The following TBC1D32 variants were observed in gnomAD, a reference collection of about 807,000 sequenced individuals.
TBC1D32 encodes TBC1 domain family member 32.
TBC1D32 carries 151 observed loss-of-function variants against 170.3 expected under a neutral mutation model. The observed-to-expected ratio is 0.89, with a 90% CI of 0.78 to 1.01. The LOEUF is 1.01. Among genes scored for constraint, TBC1D32 ranks in the 50% least tolerant of loss-of-function variants. The pLI is 0.00. For missense variants in TBC1D32, 1,464 were observed against 1,457.1 expected, an observed-to-expected ratio of 1.00 and a Z score of -0.08; for synonymous variants, 498 against 488.0, an observed-to-expected ratio of 1.02 and a Z score of -0.27.
At chr6:121,177,833 A>G (rs964084352) in intron 22 of TBC1D32, among the ~76,000 whole-genome samples, 2 of 152,200 alleles carry the variant, frequency 1.3e-5, no homozygotes, top group African/African-American at 4.8e-5. Flanking sequence ...GCAATCTGAA[A>G]TACTTCTGAT....
chr6:121,241,092 C>T (rs933087032), intron 19 of TBC1D32, among the ~76,000 whole-genome samples: 1 of 152,024 alleles, frequency 6.6e-6, no homozygotes, highest in African/African-American at 2.4e-5. Flanking sequence ...ATGTAAGCCA[C>T]TGACAATAAG....
chr6:121,101,156 G>A (rs1168250543), intron 30 of TBC1D32, among the ~76,000 whole-genome samples: 3 of 152,034 alleles, frequency 2.0e-5, no homozygotes, highest in Non-Finnish European at 4.4e-5. Flanking sequence ...TCTACCAGAG[G>A]TACAAGGAGG....
chr6:121,130,616 A>T (rs1781340689), intron 25 of TBC1D32, among the ~76,000 whole-genome samples: 2 of 152,284 alleles, frequency 1.3e-5, no homozygotes, highest in South Asian at 4.1e-4. Context: ...AATGAGTAAG[A>T]GTTAAACAGC....
chr6:121,211,798 T>A (rs1282217283), intron 21 of TBC1D32, among the ~76,000 whole-genome samples: 1 of 152,080 alleles, frequency 6.6e-6, no homozygotes, highest in East Asian at 1.9e-4. Flanking sequence ...AACACCACTG[T>A]CCCAGTGGAA....
intron 22 of TBC1D32, among the ~76,000 whole-genome samples, chr6:121,183,650 T>G (rs1482480139): frequency 6.6e-6 from 1 of 152,122 alleles, no homozygotes; most frequent in African/African-American, 2.4e-5. Flanking sequence ...TCATTACATC[T>G]TCTCTTCCCT....
intron 1 of TBC1D32, among the ~76,000 whole-genome samples, chr6:121,322,596 C>T (rs1435787803): frequency 6.6e-6 from 1 of 152,164 alleles, no homozygotes; most frequent in Non-Finnish European, 1.5e-5. Context: ...TCTCTATTAG[C>T]ATGCAAAACA....
rs183017296 is a variant in TBC1D32 at position 121,329,688 on chromosome 6, G to A, written c.155+4588C>T. On this transcript the variant is annotated intron_variant, in intron 1 of 31. Coordinates refer to ENST00000398212, the MANE Select transcript of TBC1D32 (RefSeq NM_152730.6). ...AATAAATAAAATAAAAAAATAAAAA[G>A]GCAAGAAATATTCAATCATATATGG... Among the ~76,000 whole-genome samples the A allele has an allele frequency of 2.0e-5, 3 of 151,532 alleles. No individual in the cohort carries two copies. In the East Asian group the frequency reaches 5.8e-4, roughly 29 times the overall value.
intron 15 of TBC1D32, among the ~76,000 whole-genome samples, chr6:121,262,425 A>C (rs1459123496): frequency 6.6e-6 from 1 of 152,012 alleles, no homozygotes; most frequent in African/African-American, 2.4e-5. Context: ...GTAATAGCAG[A>C]TATCTCAGCA....
intron 26 of TBC1D32, among the ~76,000 whole-genome samples, chr6:121,120,607 T>C (rs183129424): frequency 3.0e-4 from 45 of 152,000 alleles, no homozygotes; most frequent in Non-Finnish European, 5.6e-4. Context: ...ATTCATAAGT[T>C]CATAATTTTC....
intron 15 of TBC1D32, among the ~76,000 whole-genome samples, chr6:121,275,899 C>CA (rs1802143743): frequency 1.3e-5 from 2 of 151,986 alleles, no homozygotes; most frequent in Admixed American, 6.6e-5. Flanking sequence ...CCAAGGCAGG[C>CA]AGATCGCTTG....
intron 1 of TBC1D32, among the ~76,000 whole-genome samples, chr6:121,330,770 G>A (rs751448929): frequency 3.3e-5 from 5 of 152,132 alleles, no homozygotes; most frequent in East Asian, 1.9e-4. Context: ...GCCCCCAGAT[G>A]GTTCCAGTGC....
chr6:121,220,929 C>T (rs181364778), intron 21 of TBC1D32, among the ~76,000 whole-genome samples: 65 of 152,190 alleles, frequency 4.3e-4, no homozygotes, highest in African/African-American at 1.5e-3. Flanking sequence ...GCATGAACAA[C>T]GACGCCCGGC....
intron 23 of TBC1D32, among the ~76,000 whole-genome samples, chr6:121,160,449 G>A (rs911367131): frequency 1.4e-5 from 2 of 147,572 alleles, no homozygotes; most frequent in Non-Finnish European, 1.5e-5. Flanking sequence ...ACTTTTTCTC[G>A]TGCTGTCAGT....
intron 26 of TBC1D32, 58 bp downstream of exon 26, chr6:121,126,320 A>C (rs1161995525): frequency 1.2e-5 from 15 of 1,281,472 alleles, no homozygotes; most frequent in Non-Finnish European, 1.7e-5. Context: ...ACACATCTCC[A>C]TTAATTATCT....
chr6:121,292,126 C>T lies in TBC1D32; in HGVS notation c.1299G>A (p.Leu433=), dbSNP rs1437006791. Residue 433 remains leucine, a synonymous_variant, in exon 12 of 32, where the codon CTG becomes CTA. Coordinates refer to ENST00000398212, the MANE Select transcript of TBC1D32 (RefSeq NM_152730.6). ...ELQYIYFIHS[L]CLLGRLLIYK... is the part of the protein sequence containing the mutation. Reference sequence around the variant, plus strand: ...AGATCAATAATCTTCCTAAAAGGCACAGTGAGTGAATGAAATAAATATATT... The same window carrying T: ...AGATCAATAATCTTCCTAAAAGGCATAGTGAGTGAATGAAATAAATATATT... The T allele has an allele frequency of 3.1e-6, 5 of 1,604,924 alleles. No individual in the cohort carries two copies. Among genetic ancestry groups the T allele is most frequent in the Non-Finnish European group, 4.3e-6 (5 of 1,175,230 alleles).
intron 21 of TBC1D32, among the ~76,000 whole-genome samples, chr6:121,210,336 T>C (rs1792882518): frequency 6.6e-6 from 1 of 152,220 alleles, no homozygotes; most frequent in African/African-American, 2.4e-5. Flanking sequence ...CATTTTTCAC[T>C]TGTCAGACAA....
chr6:121,325,603 C>T (rs1484406719), intron 1 of TBC1D32, among the ~76,000 whole-genome samples: 29 of 152,168 alleles, frequency 1.9e-4, no homozygotes, highest in Admixed American at 1.4e-3. Context: ...CCCTTCCTTA[C>T]GCCTTATACA....
intron 20 of TBC1D32, 26 bp from the exon 21 acceptor site, chr6:121,223,378 A>G: frequency 6.8e-7 from 1 of 1,471,424 alleles, no homozygotes; most frequent in Non-Finnish European, 9.4e-7. Flanking sequence ...ACAGTCATTT[A>G]AATGATTCAC....
intron 15 of TBC1D32, among the ~76,000 whole-genome samples, chr6:121,258,824 C>T (rs1178643982): frequency 6.6e-6 from 1 of 152,002 alleles, no homozygotes; most frequent in African/African-American, 2.4e-5. Flanking sequence ...ATCAACTAGC[C>T]TCTTCTTATT....
Sources: gnomAD v4.1 joint callset for allele counts (sites outside exome capture counted in the v4.1 genomes callset) on GRCh38, gnomAD v4.1.1 for gene constraint, MANE v1.5 for transcripts, NCBI Gene and HGNC (gene_info 2026-07-23, HGNC 2026-07-21) for gene names.